Variants in GPATCH8 observed in about 807,000 individuals in gnomAD.
The protein encoded by GPATCH8 is G-patch domain containing 8.
In GPATCH8, 18 loss-of-function variants were observed where a neutral mutation model predicts 118.3. That is an observed-to-expected ratio of 0.15 (90% CI 0.11 to 0.23). The LOEUF is 0.23. Among genes scored for constraint, GPATCH8 ranks in the 10% least tolerant of loss-of-function variants. GPATCH8 has a pLI of 1.00. For missense variants in GPATCH8, 1,631 were observed against 1,873.8 expected (o/e 0.87, Z 2.39); for synonymous variants, 659 against 684.7 (o/e 0.96, Z 0.59).
At chr17:44,475,670 G>A (rs1967707714) in intron 1 of GPATCH8, among the ~76,000 whole-genome samples, 1 of 151,858 alleles carries the variant, frequency 6.6e-6, no homozygotes, top group Non-Finnish European at 1.5e-5. Flanking sequence ...TTTCAGCCTG[G>A]GAGACAGAGC....
intron 1 of GPATCH8, among the ~76,000 whole-genome samples, chr17:44,475,221 T>C (rs138718923): frequency 1.3e-3 from 192 of 147,918 alleles, no homozygotes; most frequent in Non-Finnish European, 2.1e-3. Flanking sequence ...TCCACTAAAA[T>C]TACAAAAAAT....
At chr17:44,484,765 T>C (rs895818596) in intron 1 of GPATCH8, among the ~76,000 whole-genome samples, 2 of 152,220 alleles carry the variant, frequency 1.3e-5, no homozygotes, top group African/African-American at 2.4e-5. Flanking sequence ...GTAATTGTCA[T>C]GTTAAATTTC....
intron 3 of GPATCH8, among the ~76,000 whole-genome samples, chr17:44,453,076 C>T (rs1431920806): frequency 2.6e-5 from 4 of 152,086 alleles, no homozygotes; most frequent in Non-Finnish European, 5.9e-5. Flanking sequence ...CAAGCATCCA[C>T]CCACATTGGC....
At position 44,499,512 on chromosome 17, in the gene GPATCH8, C is replaced by T. The variant is rs548997576; in HGVS notation, c.45+3814G>A. On this transcript the variant is annotated intron_variant, in intron 1 of 7. Coordinates refer to ENST00000591680, the MANE Select transcript of GPATCH8 (RefSeq NM_001002909.4). ...AATAAAATGCAGAGAACACTCGGAA[C>T]ACGAATCATCAGTCCTCTGCAGGTA... Among the ~76,000 whole-genome samples, 9 of 152,298 alleles carry T rather than the reference C, an allele frequency of 5.9e-5. No individual in the cohort carries two copies. In the South Asian group the frequency reaches 1.7e-3, roughly 28 times the overall value.
intron 1 of GPATCH8, 88 bp from the exon 2 acceptor site, chr17:44,474,991 C>CT: frequency 2.8e-6 from 2 of 713,870 alleles, no homozygotes; most frequent in Admixed American, 2.1e-5. Context: ...TTATTTTTAA[C>CT]TTTTCTTTTT....
intron 6 of GPATCH8, among the ~76,000 whole-genome samples, chr17:44,417,327 G>C (rs2049723486): frequency 6.6e-6 from 1 of 152,164 alleles, no homozygotes; most frequent in Non-Finnish European, 1.5e-5. Context: ...TGTATTAATA[G>C]ACTCAGCCCC....
intron 1 of GPATCH8, among the ~76,000 whole-genome samples, chr17:44,484,282 C>A (rs1007797456): frequency 1.3e-5 from 2 of 152,144 alleles, no homozygotes; most frequent in Admixed American, 6.6e-5. Flanking sequence ...CCATGCGCAG[C>A]CCAGAAATTT....
intron 1 of GPATCH8, among the ~76,000 whole-genome samples, chr17:44,484,354 C>T (rs1241600591): frequency 6.6e-6 from 1 of 152,124 alleles, no homozygotes; most frequent in East Asian, 1.9e-4. Context: ...CAAAGGTAAA[C>T]ACAAAATAAC....
At chr17:44,417,523 G>C (rs1177711030) in intron 6 of GPATCH8, among the ~76,000 whole-genome samples, 1 of 152,134 alleles carries the variant, frequency 6.6e-6, no homozygotes, top group African/African-American at 2.4e-5. Flanking sequence ...TTGGCCTAAA[G>C]AATTTCTGAA....
chr17:44,455,294 G>C (rs1227285705), intron 3 of GPATCH8, among the ~76,000 whole-genome samples: 1 of 152,108 alleles, frequency 6.6e-6, no homozygotes, highest in Non-Finnish European at 1.5e-5. Flanking sequence ...CTGAGTTCGG[G>C]AGTTCGAGAC....
At chr17:44,402,837 G>A (rs2049079494) in intron 7 of GPATCH8, among the ~76,000 whole-genome samples, 5 of 152,152 alleles carry the variant, frequency 3.3e-5, no homozygotes. Context: ...CAGTACTACA[G>A]TCATAATGTT....
intron 3 of GPATCH8, among the ~76,000 whole-genome samples, chr17:44,447,775 A>G (rs1277495162): frequency 6.6e-6 from 1 of 152,148 alleles, no homozygotes; most frequent in Non-Finnish European, 1.5e-5. Context: ...TACAGGCATA[A>G]GCCATCACAC....
intron 1 of GPATCH8, among the ~76,000 whole-genome samples, chr17:44,482,623 G>A (rs1040462105): frequency 4.7e-5 from 7 of 150,468 alleles, no homozygotes; most frequent in African/African-American, 1.5e-4. Flanking sequence ...GGGTTCGTAG[G>A]TGCAGCAAAC....
chr17:44,408,729 A>G (rs1260669179), intron 6 of GPATCH8, among the ~76,000 whole-genome samples: 1 of 152,214 alleles, frequency 6.6e-6, no homozygotes, highest in Non-Finnish European at 1.5e-5. Flanking sequence ...GACCATGCCC[A>G]CATCATGCTG....
rs192580684 is a variant in GPATCH8, at chr17:44,397,301, G to A, written c.*267C>T. On this transcript the variant is annotated 3_prime_UTR_variant, in exon 8 of 8. Transcript: ENST00000591680. ...AGTTTGGAGATGTTGCTGCAGAGGGGTGGGTAGCACTTACTGGTGTTCCCT... is the reference window on the plus strand; with the variant it reads ...AGTTTGGAGATGTTGCTGCAGAGGGATGGGTAGCACTTACTGGTGTTCCCT... The A allele has an allele frequency of 4.7e-6, 3 of 634,564 alleles. No individual in the cohort carries two copies. The highest frequency in any genetic ancestry group is 5.8e-6 in the Non-Finnish European group (2 of 342,434). 39.3% of individuals were successfully genotyped at this position (634,564 alleles called of 1,614,324 possible).
chr17:44,481,084 T>C (rs1442431662), intron 1 of GPATCH8, among the ~76,000 whole-genome samples: 1 of 152,122 alleles, frequency 6.6e-6, no homozygotes, highest in Non-Finnish European at 1.5e-5. Flanking sequence ...CTAATTTTTG[T>C]ATTGTTGGTA....
chr17:44,435,788 G>A (rs1455728822), intron 4 of GPATCH8, among the ~76,000 whole-genome samples: 18 of 147,222 alleles, frequency 1.2e-4, no homozygotes, highest in Admixed American at 2.7e-4. Context: ...GTGGGAGGCC[G>A]AGGCGGGCGG....
intron 1 of GPATCH8, among the ~76,000 whole-genome samples, chr17:44,490,692 C>T (rs1969179841): frequency 6.6e-6 from 1 of 151,750 alleles, no homozygotes; most frequent in African/African-American, 2.4e-5. Context: ...AAATTATATG[C>T]ATACACCCAA....
chr17:44,434,263 T>G (rs951709888), intron 5 of GPATCH8, among the ~76,000 whole-genome samples: 1 of 151,122 alleles, frequency 6.6e-6, no homozygotes, highest in Non-Finnish European at 1.5e-5. Context: ...TCAGTATAAA[T>G]AGGCTGAAGA....
Sources: allele counts gnomAD v4.1 joint callset (sites outside exome capture counted in the v4.1 genomes callset), GRCh38; gene constraint gnomAD v4.1.1; transcripts MANE v1.5; gene names NCBI Gene and HGNC (gene_info 2026-07-23, HGNC 2026-07-21).